GPBP1L1: variants seen among roughly 807,000 people sequenced by gnomAD.
The protein encoded by GPBP1L1 is GC-rich promoter binding protein 1 like 1, also known as vasculin-like protein 1.
A neutral mutation model predicts 52.5 loss-of-function variants in GPBP1L1; 23 were observed. The ratio of observed to expected loss-of-function variants is 0.44; its 90% CI spans 0.32 to 0.62. GPBP1L1 has a LOEUF of 0.62. Ranked by LOEUF, GPBP1L1 falls within the 20% of genes least tolerant of loss-of-function variation. The probability of loss-of-function intolerance (pLI) is 0.06; values close to 1 mark genes in which losing one functional copy is unlikely to be tolerated. For synonymous variants in GPBP1L1, 243 were observed against 203.1 expected (o/e 1.20, Z -1.67); for missense variants, 596 against 579.3 (o/e 1.03, Z -0.30).
intron 8 of GPBP1L1, among the ~76,000 whole-genome samples, chr1:45,637,543 G>GTTTTTTTTT (rs1553179402): frequency 1.2e-4 from 12 of 98,710 alleles, no homozygotes; most frequent in South Asian, 1.1e-3. Context: ...CTTTATATTA[G>GTTTTTTTTT]TTTTCCAATC....
chr1:45,637,543 G>GTTTTTTTTTTTTTTTTTT (rs1553179402), intron 8 of GPBP1L1, among the ~76,000 whole-genome samples: 89 of 98,582 alleles, frequency 9.0e-4, no homozygotes, highest in Middle Eastern at 6.0e-3. Context: ...CTTTATATTA[G>GTTTTTTTTTTTTTTTTTT]TTTTCCAATC....
At chr1:45,678,832 G>T (rs192881458) in intron 2 of GPBP1L1, among the ~76,000 whole-genome samples, 2 of 152,242 alleles carry the variant, frequency 1.3e-5, no homozygotes, top group East Asian at 3.9e-4. Context: ...TAGAAGAAAT[G>T]ATCATTTACT....
At chr1:45,680,381 G>C (rs1031150621) in intron 2 of GPBP1L1, among the ~76,000 whole-genome samples, 15 of 151,694 alleles carry the variant, frequency 9.9e-5, no homozygotes, top group Admixed American at 5.3e-4. Flanking sequence ...TGGGATTACA[G>C]ACATTCACCA....
chr1:45,686,086 C>G (rs1645278471), intron 1 of GPBP1L1, among the ~76,000 whole-genome samples: 1 of 152,246 alleles, frequency 6.6e-6, no homozygotes, highest in Non-Finnish European at 1.5e-5. Flanking sequence ...TCAACGAGCA[C>G]CAAGCCGGAT....
At chr1:45,632,399 T>G (rs765937368) in intron 10 of GPBP1L1, among the ~76,000 whole-genome samples, 1 of 151,936 alleles carries the variant, frequency 6.6e-6, no homozygotes, top group African/African-American at 2.4e-5. Context: ...TGAAACTCCA[T>G]CTCAAAAAAT....
chr1:45,628,526 G>A (rs1204574911), intron 12 of GPBP1L1, 118 bp from the exon 13 acceptor site: 5 of 861,968 alleles, frequency 5.8e-6, no homozygotes, highest in African/African-American at 5.0e-5. Flanking sequence ...GGGGCGGGGG[G>A]TGCTTCTAAG....
At chr1:45,632,180 G>A (rs1193467206) in intron 10 of GPBP1L1, among the ~76,000 whole-genome samples, 1 of 152,236 alleles carries the variant, frequency 6.6e-6, no homozygotes, top group Non-Finnish European at 1.5e-5. Flanking sequence ...CAAGGAAGCA[G>A]GTTGGCCTTC....
Position 45,634,144 on chromosome 1 carries a change from G to C in GPBP1L1, c.837C>G (p.Thr279=). 1 of 1,614,052 alleles carries C rather than the reference G, an allele frequency of 6.2e-7. No homozygotes were observed. The highest frequency in any genetic ancestry group is 8.5e-7 in the Non-Finnish European group (1 of 1,179,924). The change falls in exon 9 of 13, where the codon ACC becomes ACG. Residue 279 remains threonine, a synonymous_variant. Transcript: ENST00000355105. ...CACCACTAGCCAGTACCACTGGTTT[G>C]GTAACAGAGATTGGACTGGTAAAAG... is the stretch of plus-strand genomic sequence containing the variant. ...ESAFTSPISV[T]KPVVLASGAA... is the part of the protein sequence containing the mutation.
intron 6 of GPBP1L1, among the ~76,000 whole-genome samples, chr1:45,643,263 C>T (rs1310260472): frequency 1.3e-5 from 2 of 152,078 alleles, no homozygotes; most frequent in Non-Finnish European, 2.9e-5. Flanking sequence ...ATGAGTAGTG[C>T]TAGGGAAGGA....
At chr1:45,628,479 G>T in intron 12 of GPBP1L1, 71 bp from the exon 13 acceptor site, 1 of 1,450,072 alleles carries the variant, frequency 6.9e-7, no homozygotes, top group Non-Finnish European at 9.4e-7. Context: ...TAAGCCCTGG[G>T]AAAGGCCAGG....
chr1:45,654,506 T>C (rs764893134), intron 6 of GPBP1L1, 37 bp downstream of exon 6: 9 of 1,542,114 alleles, frequency 5.8e-6, no homozygotes, highest in Non-Finnish European at 7.9e-6. Flanking sequence ...ACATTATTTG[T>C]TGGCTTCTAA....
chr1:45,633,342 A>G, intron 10 of GPBP1L1, 147 bp downstream of exon 10: 1 of 729,342 alleles, frequency 1.4e-6, no homozygotes, highest in Non-Finnish European at 2.2e-6. Flanking sequence ...TCACTTTACT[A>G]TGTGGTCTAG....
chr1:45,657,725 C>T (rs914828790), intron 4 of GPBP1L1, among the ~76,000 whole-genome samples: 2 of 152,034 alleles, frequency 1.3e-5, no homozygotes, highest in African/African-American at 4.8e-5. Context: ...TGGTGGTGCT[C>T]ACCTGTAGTA....
rs929352415 is a variant in GPBP1L1 at position 45,659,970 on chromosome 1, G to A, written c.-56+214C>T. 2.0e-5 allele frequency among the ~76,000 whole-genome samples: 3 copies of A among 152,140 alleles called. No individual in the cohort carries two copies. The East Asian group carries it at 5.8e-4, about 29-fold the overall frequency. ...TGGGGGAAAAAAAGATCTTCCTAGA[G>A]AAGGACGATACAACCTCTCAAGAGC... is the stretch of plus-strand genomic sequence containing the variant. On this transcript the variant is annotated intron_variant, in intron 3 of 12. Transcript: ENST00000355105.
At chr1:45,630,807 A>T in intron 10 of GPBP1L1, 1 of 563,442 alleles carries the variant, frequency 1.8e-6, no homozygotes. Context: ...AAGGCAAAAG[A>T]TCCAGAACAG....
chr1:45,682,214 AC>A (rs1645219955), intron 2 of GPBP1L1, among the ~76,000 whole-genome samples: 1 of 152,230 alleles, frequency 6.6e-6, no homozygotes, highest in Admixed American at 6.5e-5. Flanking sequence ...TTTTCTATAT[AC>A]TTATAAACTT....
At chr1:45,653,247 C>A (rs1299891858) in intron 6 of GPBP1L1, among the ~76,000 whole-genome samples, 2 of 152,150 alleles carry the variant, frequency 1.3e-5, no homozygotes, top group Non-Finnish European at 2.9e-5. Flanking sequence ...TACTTAAAAA[C>A]AGCTAGAGGC....
chr1:45,687,382 C>T (rs1645303851), upstream of GPBP1L1: 2 of 152,430 alleles, frequency 1.3e-5, no homozygotes, highest in Non-Finnish European at 1.5e-5. Context: ...TTCGCTGTGG[C>T]TCCATCCGGC....
At chr1:45,669,775 A>G (rs1374628713) in intron 2 of GPBP1L1, among the ~76,000 whole-genome samples, 1 of 152,254 alleles carries the variant, frequency 6.6e-6, no homozygotes, top group Non-Finnish European at 1.5e-5. Flanking sequence ...TGGATTGTGA[A>G]GTGACTTTTA....
Sources: gnomAD v4.1 joint callset for allele counts (sites outside exome capture counted in the v4.1 genomes callset) on GRCh38, gnomAD v4.1.1 for gene constraint, MANE v1.5 for transcripts, NCBI Gene and HGNC (gene_info 2026-07-23, HGNC 2026-07-21) for gene names.